Variants in ERBB4 observed in about 807,000 individuals in gnomAD.
ERBB4 encodes the protein erb-b2 receptor tyrosine kinase 4, also known as receptor tyrosine-protein kinase erbB-4.
In ERBB4, 42 loss-of-function variants were observed where a neutral mutation model predicts 158.0. The observed-to-expected ratio is 0.27, with a 90% CI of 0.21 to 0.34. The LOEUF (loss-of-function observed/expected upper bound fraction) is 0.34. Among genes scored for constraint, ERBB4 ranks in the 10% least tolerant of loss-of-function variants. ERBB4 has a pLI of 1.00. For synonymous variants in ERBB4, 583 were observed against 558.7 expected, an observed-to-expected ratio of 1.04 and a Z score of -0.61; for missense variants, 1,333 against 1,624.1, an observed-to-expected ratio of 0.82 and a Z score of 3.08.
chr2:212,146,471 C>T (rs1359751463), intron 1 of ERBB4, among the ~76,000 whole-genome samples: 1 of 152,156 alleles, frequency 6.6e-6, no homozygotes, highest in East Asian at 1.9e-4. Flanking sequence ...AAGTATTCTT[C>T]ATTTGAAATT....
At chr2:212,413,134 A>ATTTTTTTTTTTTTTTTTTTTTTTT (rs370397826) in intron 1 of ERBB4, among the ~76,000 whole-genome samples, 1 of 101,256 alleles carries the variant, frequency 9.9e-6, no homozygotes, top group Non-Finnish European at 1.9e-5. Context: ...TGCGTGGCTA[A>ATTTTTTTTTTTTTTTTTTTTTTTT]TTTTTTTTTT....
At chr2:211,789,071 A>T (rs1575150446) in intron 3 of ERBB4, among the ~76,000 whole-genome samples, 1 of 152,272 alleles carries the variant, frequency 6.6e-6, no homozygotes, top group East Asian at 1.9e-4. Context: ...TATCCAGGAA[A>T]ATAAAAACTG....
intron 3 of ERBB4, among the ~76,000 whole-genome samples, chr2:211,890,810 G>C (rs1398597580): frequency 1.0e-5 from 1 of 99,132 alleles, no homozygotes; most frequent in African/African-American, 4.6e-5. Flanking sequence ...AGACAAAGAA[G>C]GCCATTACAT....
chr2:212,062,694 C>G (rs1224919465), intron 2 of ERBB4, among the ~76,000 whole-genome samples: 2 of 152,024 alleles, frequency 1.3e-5, no homozygotes, highest in Non-Finnish European at 2.9e-5. Flanking sequence ...AGTGAGCCAC[C>G]GCTCCCAGCC....
At chr2:211,513,517 C>A (rs16846352) in intron 20 of ERBB4, among the ~76,000 whole-genome samples, 7 of 151,828 alleles carry the variant, frequency 4.6e-5, no homozygotes, top group Non-Finnish European at 1.0e-4. Flanking sequence ...ATTATTTAGC[C>A]GAGGCTTGTC....
chr2:211,937,748 C>T (rs1479561390), intron 3 of ERBB4, among the ~76,000 whole-genome samples: 2 of 152,098 alleles, frequency 1.3e-5, no homozygotes, highest in Non-Finnish European at 2.9e-5. Flanking sequence ...AGGGGAAAAC[C>T]AACCCCATGA....
chr2:211,826,976 T>C (rs2077113122), intron 3 of ERBB4, among the ~76,000 whole-genome samples: 1 of 151,960 alleles, frequency 6.6e-6, no homozygotes, highest in Admixed American at 6.6e-5. Context: ...CACATGCAGG[T>C]ACACGGTTTT....
At chr2:211,780,301 C>T (rs1260663482) in intron 4 of ERBB4, among the ~76,000 whole-genome samples, 1 of 152,092 alleles carries the variant, frequency 6.6e-6, no homozygotes, top group Non-Finnish European at 1.5e-5. Flanking sequence ...GCGGTCGAGG[C>T]TCCAGTGAGC....
At chr2:212,359,606 C>T (rs775732706) in intron 1 of ERBB4, among the ~76,000 whole-genome samples, 18 of 151,730 alleles carry the variant, frequency 1.2e-4, no homozygotes, top group South Asian at 2.1e-4. Context: ...GCTGTAAACA[C>T]TCCCCTGATA....
chr2:211,712,778 TG>T (rs5838278), intron 8 of ERBB4, among the ~76,000 whole-genome samples: 102,093 of 151,070 alleles, frequency 0.68, 34,651 homozygotes, highest in African/African-American at 0.74. Context: ...TGTGTGTGGG[TG>T]GGGGGGGATG....
chr2:212,286,767 A>ATTTTTTTTTTTTTTTTTTTTTTTTTT lies in ERBB4; in HGVS notation c.83-161865_83-161864insAAAAAAAAAAAAAAAAAAAAAAAAAA, dbSNP rs748586400. The stretch of plus-strand genomic sequence containing the variant: ...TAGGCGGGTGGCACCATGAGGGTTA[A>ATTTTTTTTTTTTTTTTTTTTTTTTTT]TTTTTTTTTTTTTTTTTTTTTTTGT... On this transcript the variant is annotated intron_variant, in intron 1 of 27. Coordinates refer to ENST00000342788, the MANE Select transcript of ERBB4 (RefSeq NM_005235.3). 2.0e-4 allele frequency among the ~76,000 whole-genome samples: 8 copies of ATTTTTTTTTTTTTTTTTTTTTTTTTT among 39,560 alleles called. 3 individuals are homozygous for ATTTTTTTTTTTTTTTTTTTTTTTTTT. The highest frequency in any genetic ancestry group is 6.7e-4 in the African/African-American group (6 of 9,008). 26.0% of individuals were successfully genotyped at this position (39,560 alleles called of 152,430 possible).
chr2:211,586,628 C>T (rs1247974273), intron 19 of ERBB4, among the ~76,000 whole-genome samples: 1 of 152,136 alleles, frequency 6.6e-6, no homozygotes, highest in African/African-American at 2.4e-5. Context: ...CCCCAGGGAA[C>T]ACATGGTGAC....
At chr2:212,011,158 C>T (rs554503987) in intron 2 of ERBB4, among the ~76,000 whole-genome samples, 1 of 152,108 alleles carries the variant, frequency 6.6e-6, no homozygotes, top group Non-Finnish European at 1.5e-5. Context: ...ATGAAGATAA[C>T]AGGATTAAGA....
intron 20 of ERBB4, among the ~76,000 whole-genome samples, chr2:211,526,846 G>GA: frequency 6.6e-6 from 1 of 152,046 alleles, no homozygotes; most frequent in African/African-American, 2.4e-5. Context: ...TAATCAAGCA[G>GA]AAAAAAGAAT....
At chr2:212,365,943 C>A (rs1006468756) in intron 1 of ERBB4, among the ~76,000 whole-genome samples, 1 of 151,732 alleles carries the variant, frequency 6.6e-6, no homozygotes. Flanking sequence ...ACAACAATGA[C>A]AATTAAGCAT....
At chr2:212,227,806 A>G (rs900225674) in intron 1 of ERBB4, among the ~76,000 whole-genome samples, 1 of 152,004 alleles carries the variant, frequency 6.6e-6, no homozygotes, top group African/African-American at 2.4e-5. Flanking sequence ...ATGAAACCTG[A>G]TAGATTACTG....
chr2:211,802,781 A>G (rs2076529386), intron 3 of ERBB4, among the ~76,000 whole-genome samples: 1 of 152,198 alleles, frequency 6.6e-6, no homozygotes, highest in Non-Finnish European at 1.5e-5. Context: ...GCTTGTTGGC[A>G]GGTGTAATTA....
chr2:212,377,905 C>T (rs1446835582), intron 1 of ERBB4, among the ~76,000 whole-genome samples: 3 of 151,810 alleles, frequency 2.0e-5, no homozygotes, highest in Non-Finnish European at 1.5e-5. Context: ...TACAGCTGTA[C>T]AAAAATATTT....
intron 3 of ERBB4, among the ~76,000 whole-genome samples, chr2:211,803,859 G>C (rs776306676): frequency 6.6e-6 from 1 of 152,126 alleles, no homozygotes; most frequent in Non-Finnish European, 1.5e-5. Flanking sequence ...TATTGATAAA[G>C]AATGGAAAGG....
Sources: gnomAD v4.1 joint callset for allele counts (sites outside exome capture counted in the v4.1 genomes callset) on GRCh38, gnomAD v4.1.1 for gene constraint, MANE v1.5 for transcripts, NCBI Gene and HGNC (gene_info 2026-07-23, HGNC 2026-07-21) for gene names.